CNBD1: variants seen among roughly 807,000 people sequenced by gnomAD.
CNBD1 encodes the protein cyclic nucleotide binding domain containing 1, also known as cyclic nucleotide-binding domain-containing protein 1.
Under a neutral mutation model 54.4 loss-of-function variants are expected in CNBD1, and 71 were observed. The ratio of observed to expected loss-of-function variants is 1.30; its 90% confidence interval spans 1.08 to 1.59. The LOEUF is 1.59. Among genes scored for constraint, CNBD1 ranks in the 40% most tolerant of loss-of-function variants. The pLI, the probability that CNBD1 is intolerant of heterozygous loss-of-function variation, is 0.00. For missense variants in CNBD1, 659 were observed against 518.0 expected (o/e 1.27, Z -2.64); for synonymous variants, 182 against 170.7 (o/e 1.07, Z -0.51).
At chr8:86,955,641 G>A (rs963000921) in intron 4 of CNBD1, among the ~76,000 whole-genome samples, 1 of 152,214 alleles carries the variant, frequency 6.6e-6, no homozygotes, top group African/African-American at 2.4e-5. Flanking sequence ...CTTTTGAGAA[G>A]TGTCTCTTCA....
chr8:86,901,904 C>G (rs1808944554), intron 2 of CNBD1, among the ~76,000 whole-genome samples: 1 of 152,140 alleles, frequency 6.6e-6, no homozygotes, highest in Admixed American at 6.6e-5. Context: ...TATTCCCTGA[C>G]TGTATGACGT....
At chr8:87,335,684 G>C (rs1809931273) in intron 8 of CNBD1, among the ~76,000 whole-genome samples, 2 of 151,964 alleles carry the variant, frequency 1.3e-5, no homozygotes. Context: ...TCTTTTAATT[G>C]GGCCATTTAG....
chr8:87,331,471 A>C (rs1809829970), intron 8 of CNBD1, among the ~76,000 whole-genome samples: 1 of 152,148 alleles, frequency 6.6e-6, no homozygotes, highest in Non-Finnish European at 1.5e-5. Context: ...ATTGATGGGC[A>C]TTTGGGTTGG....
intron 5 of CNBD1, among the ~76,000 whole-genome samples, chr8:87,221,137 A>G (rs945367145): frequency 6.6e-6 from 1 of 152,072 alleles, no homozygotes; most frequent in Non-Finnish European, 1.5e-5. Context: ...TGGTTTTCTC[A>G]TACATTATTT....
At chr8:87,092,684 C>G (rs1172342104) in intron 4 of CNBD1, among the ~76,000 whole-genome samples, 1 of 151,708 alleles carries the variant, frequency 6.6e-6, no homozygotes, top group Non-Finnish European at 1.5e-5. Context: ...CTTTTCAGAG[C>G]TAATTATTTT....
At chr8:87,190,886 C>A (rs1030298515) in intron 4 of CNBD1, among the ~76,000 whole-genome samples, 1 of 132,172 alleles carries the variant, frequency 7.6e-6, no homozygotes, top group Non-Finnish European at 1.6e-5. Context: ...GATACATGTA[C>A]GTATATCTAT....
intron 4 of CNBD1, among the ~76,000 whole-genome samples, chr8:86,992,208 A>G (rs1471093164): frequency 6.6e-6 from 1 of 151,968 alleles, no homozygotes; most frequent in African/African-American, 2.4e-5. Context: ...GGGTGCATAT[A>G]TGTTTAGTAT....
chr8:87,248,879 C>A (rs1201765464), intron 6 of CNBD1, among the ~76,000 whole-genome samples: 1 of 152,086 alleles, frequency 6.6e-6, no homozygotes, highest in Non-Finnish European at 1.5e-5. Flanking sequence ...GAGGCGTGAA[C>A]AGAAGTGGTA....
At chr8:87,115,144 A>G (rs1458236313) in intron 4 of CNBD1, among the ~76,000 whole-genome samples, 2 of 152,234 alleles carry the variant, frequency 1.3e-5, no homozygotes, top group African/African-American at 4.8e-5. Context: ...CCATCAATAG[A>G]TGGAGATAGA....
chr8:86,962,210 A>G (rs551594565), intron 4 of CNBD1, among the ~76,000 whole-genome samples: 27 of 152,338 alleles, frequency 1.8e-4, no homozygotes, highest in African/African-American at 5.3e-4. Context: ...TAAGAATGGT[A>G]AGACAAAAAT....
At chr8:87,407,309 A>T (rs969023403) in intron 2 of CNBD1, among the ~76,000 whole-genome samples, 8 of 151,944 alleles carry the variant, frequency 5.3e-5, no homozygotes, top group Non-Finnish European at 1.0e-4. Flanking sequence ...TTGTGTTTTC[A>T]AGATTCATCC....
At chr8:87,153,291 C>A (rs186569450) in intron 4 of CNBD1, among the ~76,000 whole-genome samples, 1 of 152,206 alleles carries the variant, frequency 6.6e-6, no homozygotes, top group Non-Finnish European at 1.5e-5. Flanking sequence ...ATCAGACTGC[C>A]ATTTCTACAT....
intron 4 of CNBD1, among the ~76,000 whole-genome samples, chr8:87,024,347 A>G (rs1238188655): frequency 6.7e-6 from 1 of 148,936 alleles, no homozygotes; most frequent in Non-Finnish European, 1.5e-5. Flanking sequence ...AATTTATTTT[A>G]TTTATCTTTT....
At chr8:86,881,543 TC>T (rs1411928574) in intron 1 of CNBD1, among the ~76,000 whole-genome samples, 1 of 152,092 alleles carries the variant, frequency 6.6e-6, no homozygotes, top group East Asian at 1.9e-4. Flanking sequence ...GGAAAACCAT[TC>T]CATGCTCATA....
chr8:87,219,958 A>G (rs1684837317), intron 5 of CNBD1, among the ~76,000 whole-genome samples: 2 of 152,028 alleles, frequency 1.3e-5, no homozygotes, highest in Admixed American at 1.3e-4. Flanking sequence ...ATACTAAAAA[A>G]TAATAGGCAA....
intron 5 of CNBD1, among the ~76,000 whole-genome samples, 171 bp from the exon 6 acceptor site, chr8:87,236,748 C>T (rs1165997907): frequency 6.6e-6 from 1 of 152,012 alleles, no homozygotes; most frequent in African/African-American, 2.4e-5. Context: ...CTTTGTTATT[C>T]TTGTTACTTG....
chr8:87,357,537 CT>C (rs1200037388), intron 10 of CNBD1, among the ~76,000 whole-genome samples: 1 of 152,108 alleles, frequency 6.6e-6, no homozygotes, highest in African/African-American at 2.4e-5. Context: ...AATGTTTCCC[CT>C]ATCTTTTGTC....
chr8:87,092,803 C>T (rs1466587207), intron 4 of CNBD1, among the ~76,000 whole-genome samples: 3 of 152,136 alleles, frequency 2.0e-5, no homozygotes, highest in Non-Finnish European at 4.4e-5. Context: ...TACCTCTCTT[C>T]TGAGCTCCAG....
intron 5 of CNBD1, among the ~76,000 whole-genome samples, chr8:87,226,079 T>C (rs998833123): frequency 2.6e-5 from 4 of 152,308 alleles, no homozygotes; most frequent in Non-Finnish European, 5.9e-5. Flanking sequence ...GTGGGATCGG[T>C]GGTGATATCC....
Sources: gnomAD v4.1 joint callset for allele counts (sites outside exome capture counted in the v4.1 genomes callset) on GRCh38, gnomAD v4.1.1 for gene constraint, MANE v1.5 for transcripts, NCBI Gene and HGNC (gene_info 2026-07-23, HGNC 2026-07-21) for gene names.